TRIP12: variants seen among roughly 807,000 people sequenced by gnomAD.
The protein encoded by TRIP12 is E3 ubiquitin-protein ligase TRIP12.
TRIP12 carries 25 observed loss-of-function variants against 244.2 expected under a neutral mutation model. The observed-to-expected ratio is 0.10, with a 90% CI of 0.07 to 0.14. The LOEUF (loss-of-function observed/expected upper bound fraction) is 0.14, where lower values mean the gene tolerates loss of function less well. Ranked by LOEUF, TRIP12 falls within the 10% of genes least tolerant of loss-of-function variation. The pLI is 1.00. For synonymous variants in TRIP12, 905 were observed against 873.1 expected (o/e 1.04, Z -0.64); for missense variants, 1,677 against 2,486.4 (o/e 0.67, Z 6.92).
At chr2:229,830,499 T>C (rs1205900946) in intron 7 of TRIP12, among the ~76,000 whole-genome samples, 1 of 152,146 alleles carries the variant, frequency 6.6e-6, no homozygotes, top group Non-Finnish European at 1.5e-5. Context: ...CAGCTACACA[T>C]GCAACCACAA....
At chr2:229,803,111 C>T (rs1575216844) in intron 20 of TRIP12, among the ~76,000 whole-genome samples, 2 of 152,292 alleles carry the variant, frequency 1.3e-5, no homozygotes, top group South Asian at 2.1e-4. Flanking sequence ...ATATATTTAA[C>T]GTGAGTGAAT....
chr2:229,815,790 G>A (rs2154282937), intron 9 of TRIP12, among the ~76,000 whole-genome samples: 1 of 152,160 alleles, frequency 6.6e-6, no homozygotes, highest in East Asian at 1.9e-4. Flanking sequence ...ATTTGACTCA[G>A]CTTTAAAATG....
rs557210810 is a variant in TRIP12, at chr2:229,919,120, C to A, written c.-50+2760G>T. Among the ~76,000 whole-genome samples the A allele has an allele frequency of 1.2e-4, 19 of 152,110 alleles. 1 individual carries two copies. Among genetic ancestry groups the A allele is most frequent in the Admixed American group, 1.2e-3 (19 of 15,264 alleles). The stretch of plus-strand genomic sequence containing the variant: ...AGATAACATAAATACAATAATCTTA[C>A]AAGTTACACTGGGGCCGGCGTGGTG... On this transcript the variant is annotated intron_variant, in intron 1 of 41. Coordinates refer to ENST00000675903, the MANE Select transcript of TRIP12 (RefSeq NM_001348323.3).
chr2:229,837,269 G>C (rs2154305187), intron 5 of TRIP12, among the ~76,000 whole-genome samples: 1 of 152,282 alleles, frequency 6.6e-6, no homozygotes, highest in Admixed American at 6.5e-5. Flanking sequence ...AAAAAGAAAA[G>C]TGACTCTTTC....
At chr2:229,788,092 C>T (rs1389939517) in intron 32 of TRIP12, among the ~76,000 whole-genome samples, 1 of 152,158 alleles carries the variant, frequency 6.6e-6, no homozygotes, top group Non-Finnish European at 1.5e-5. Context: ...TGTGAGCCAC[C>T]ACGTCCAGCC....
At chr2:229,886,063 G>A (rs2065942653) in intron 1 of TRIP12, among the ~76,000 whole-genome samples, 1 of 152,088 alleles carries the variant, frequency 6.6e-6, no homozygotes, top group Non-Finnish European at 1.5e-5. Context: ...GAAAGGAATT[G>A]AAGGGGAAAA....
chr2:229,842,648 A>C (rs754039203), intron 4 of TRIP12, among the ~76,000 whole-genome samples: 23 of 152,334 alleles, frequency 1.5e-4, no homozygotes, highest in Non-Finnish European at 2.8e-4. Context: ...CATTAGTATT[A>C]CACAGTACTT....
intron 9 of TRIP12, among the ~76,000 whole-genome samples, chr2:229,816,765 A>G (rs2048612151): frequency 6.6e-6 from 1 of 152,208 alleles, no homozygotes; most frequent in South Asian, 2.1e-4. Flanking sequence ...AGTATAAGGT[A>G]AGCCTAGTTA....
intron 4 of TRIP12, among the ~76,000 whole-genome samples, chr2:229,853,965 T>C (rs1413242874): frequency 6.6e-6 from 1 of 152,194 alleles, no homozygotes; most frequent in Non-Finnish European, 1.5e-5. Context: ...TTTGTTTTCA[T>C]TTATGTTGAT....
Position 229,803,704 on chromosome 2 carries a change from C to A in TRIP12, c.2880-15G>T. The A allele has an allele frequency of 6.4e-7, 1 of 1,558,040 alleles. No homozygotes were observed. The stretch of plus-strand genomic sequence containing the variant: ...AAGCAATGTGACTAAAAAAAGAAAG[C>A]ATTTGTATATAAAACTCTGCCTGAA... On this transcript the variant is annotated splice_polypyrimidine_tract_variant and intron_variant, in intron 19 of 41. Coordinates refer to ENST00000675903, the MANE Select transcript of TRIP12 (RefSeq NM_001348323.3).
intron 2 of TRIP12, among the ~76,000 whole-genome samples, chr2:229,864,047 A>AGAGAGAGAGAGAGAGT: frequency 7.3e-4 from 58 of 79,304 alleles, no homozygotes; most frequent in South Asian, 1.0e-3. Context: ...AGAGAGAGAG[A>AGAGAGAGAGAGAGAGT]GTGTGTGTGT....
At position 229,803,663 on chromosome 2, in the gene TRIP12, T is replaced by C; in HGVS notation, c.2906A>G (p.Gln969Arg). Residue 969 changes from glutamine to arginine, a missense_variant, in exon 20 of 42, where the codon CAA becomes CGA. Physicochemically the swap from Gln to Arg is conservative, Grantham distance 43. Transcript: ENST00000675903. ...TGCTCCCACTACTATCTTCAGGTCT[T>C]GGCTTGACAGCATGGAAGCAATGTG... Reference protein sequence around the residue: ...SSHIASMLSSQDLKIVVGALQ... With the variant: ...SSHIASMLSSRDLKIVVGALQ... The C allele has an allele frequency of 6.2e-7, 1 of 1,611,522 alleles. No homozygotes were observed. Among genetic ancestry groups the C allele is most frequent in the Non-Finnish European group, 8.5e-7 (1 of 1,179,336 alleles).
intron 2 of TRIP12, among the ~76,000 whole-genome samples, chr2:229,874,842 A>G (rs1043954432): frequency 3.3e-5 from 5 of 152,202 alleles, no homozygotes; most frequent in Non-Finnish European, 7.3e-5. Flanking sequence ...AGTTAAATCA[A>G]CCTTGAAGAC....
intron 4 of TRIP12, among the ~76,000 whole-genome samples, chr2:229,853,952 ATT>A (rs966928438): frequency 2.0e-5 from 3 of 152,130 alleles, no homozygotes; most frequent in African/African-American, 7.2e-5. Context: ...TAATATTGAC[ATT>A]TTTGTTTTCA....
At chr2:229,808,029 G>A (rs547189598) in intron 16 of TRIP12, among the ~76,000 whole-genome samples, 165 bp from the exon 17 acceptor site, 2 of 152,000 alleles carry the variant, frequency 1.3e-5, no homozygotes, top group East Asian at 1.9e-4. Context: ...GCAGTGGCAC[G>A]ATCTCAGCTC....
chr2:229,877,902 G>T (rs2063928744), intron 2 of TRIP12, among the ~76,000 whole-genome samples: 1 of 152,148 alleles, frequency 6.6e-6, no homozygotes, highest in Non-Finnish European at 1.5e-5. Context: ...TTTTATTACA[G>T]GAGGAATAAT....
rs2034355262 is a variant in TRIP12 at position 229,771,564 on chromosome 2, T to C, written c.5763A>G (p.Glu1921=). 1 of 1,613,984 alleles carries C rather than the reference T, an allele frequency of 6.2e-7. No individual in the cohort carries two copies. The change falls in exon 39 of 42, where the codon GAA becomes GAG. Residue 1921 remains glutamate (E), a synonymous_variant. Coordinates refer to ENST00000675903, the MANE Select transcript of TRIP12 (RefSeq NM_001348323.3). ...RQFDSFRDGF[E]SVFPLSHLQY... ...GAAGATGACTGAGTGGGAAGACTGA[T>C]TCAAATCCATCTCTGAACGAATCAA...
At chr2:229,819,085 C>CACACAA (rs1553640456) in intron 8 of TRIP12, among the ~76,000 whole-genome samples, 24 of 109,692 alleles carry the variant, frequency 2.2e-4, no homozygotes, top group African/African-American at 6.0e-4. Context: ...CACACACACA[C>CACACAA]AATTATAAAC....
chr2:229,778,800 A>G lies in TRIP12; in HGVS notation c.5209+76T>C. On this transcript the variant is annotated intron_variant, in intron 35 of 41. Transcript: ENST00000675903. The surrounding 1 kb of genome is among the most constrained non-coding windows in gnomAD (Gnocchi z 4.1). ...AGTACAGCTGTCCATTAGAAATTAAATATGTCTAATAAACTGTCAGAGTCC... is the reference window on the plus strand; with the variant it reads ...AGTACAGCTGTCCATTAGAAATTAAGTATGTCTAATAAACTGTCAGAGTCC... 7 of 1,403,996 alleles carry G rather than the reference A, an allele frequency of 5.0e-6. No individual in the cohort carries two copies. Among genetic ancestry groups the G allele is most frequent in the East Asian group, 2.3e-5 (1 of 43,774 alleles). The allele number at this position is 1,403,996 out of a possible 1,614,324, so 87.0% of individuals were successfully genotyped here.
Sources: allele counts gnomAD v4.1 joint callset (sites outside exome capture counted in the v4.1 genomes callset), GRCh38; gene constraint gnomAD v4.1.1; non-coding constraint Gnocchi (gnomAD v3.1); transcripts MANE v1.5; gene names NCBI Gene and HGNC (gene_info 2026-07-23, HGNC 2026-07-21).